The following ITFG1 variants were observed in gnomAD, a reference collection of about 807,000 sequenced individuals.
The protein encoded by ITFG1 is T-cell immunomodulatory protein.
Under a neutral mutation model 81.8 loss-of-function variants are expected in ITFG1, and 34 were observed. That is an observed-to-expected ratio of 0.42 (90% CI 0.32 to 0.55). ITFG1 has a LOEUF of 0.55. Ranked by LOEUF, ITFG1 falls within the 20% of genes least tolerant of loss-of-function variation. ITFG1 has a pLI of 0.17. For missense variants in ITFG1, 672 were observed against 755.4 expected (o/e 0.89, Z 1.29); for synonymous variants, 285 against 270.6 (o/e 1.05, Z -0.52).
rs141783627 is a variant in ITFG1, at chr16:47,370,266, G to A, written c.721-4397C>T. The stretch of plus-strand genomic sequence containing the variant: ...AGCCTGAAACCAAGCAGCCAGTTCC[G>A]GGTAAAGTCCCCGACCAGAGTGAGA... On this transcript the variant is annotated intron_variant, in intron 7 of 17. Transcript: ENST00000320640. Among the ~76,000 whole-genome samples, 100 of 152,268 alleles carry A rather than the reference G, an allele frequency of 6.6e-4. 1 individual carries two copies. Among genetic ancestry groups the A allele is most frequent in the African/African-American group, 2.1e-3 (87 of 41,554 alleles).
chr16:47,326,936 G>A (rs917908768), intron 8 of ITFG1, among the ~76,000 whole-genome samples: 3 of 152,116 alleles, frequency 2.0e-5, no homozygotes, highest in Admixed American at 1.3e-4. Flanking sequence ...TCCCCATCAA[G>A]CTACCAATGA....
chr16:47,293,805 T>C (rs1567448392), intron 10 of ITFG1, among the ~76,000 whole-genome samples: 1 of 152,060 alleles, frequency 6.6e-6, no homozygotes, highest in Non-Finnish European at 1.5e-5. Context: ...TTTTCTCCCA[T>C]TTTGCCAGCT....
chr16:47,246,255 A>ATGAT (rs1157826090), intron 12 of ITFG1, among the ~76,000 whole-genome samples: 2 of 152,186 alleles, frequency 1.3e-5, no homozygotes, highest in Admixed American at 1.3e-4. Flanking sequence ...TTAGGATCAC[A>ATGAT]TGATAAGACT....
chr16:47,167,652 C>A (rs1964910244), intron 14 of ITFG1, among the ~76,000 whole-genome samples: 2 of 152,210 alleles, frequency 1.3e-5, no homozygotes, highest in African/African-American at 4.8e-5. Context: ...TGCTGACTCT[C>A]TTTTCAGACT....
At chr16:47,435,037 G>A (rs754181327) in intron 5 of ITFG1, among the ~76,000 whole-genome samples, 1 of 152,134 alleles carries the variant, frequency 6.6e-6, no homozygotes, top group Non-Finnish European at 1.5e-5. Flanking sequence ...GAGAGGCAGA[G>A]GCTTGGAGGG....
At chr16:47,254,591 T>G (rs1288500658) in intron 12 of ITFG1, among the ~76,000 whole-genome samples, 1 of 152,122 alleles carries the variant, frequency 6.6e-6, no homozygotes, top group African/African-American at 2.4e-5. Context: ...TCAATCACAT[T>G]CTATTTTAAG....
chr16:47,412,695 C>A (rs1407846913), intron 6 of ITFG1, among the ~76,000 whole-genome samples: 144 of 106,034 alleles, frequency 1.4e-3, no homozygotes, highest in African/African-American at 2.5e-3. Context: ...GACTCTGTCT[C>A]AAAAAAAAAA....
intron 14 of ITFG1, among the ~76,000 whole-genome samples, chr16:47,206,655 A>T (rs1965503374): frequency 6.6e-6 from 1 of 152,164 alleles, no homozygotes; most frequent in African/African-American, 2.4e-5. Flanking sequence ...GGCTTCTTTC[A>T]TTTAGCAGGT....
intron 14 of ITFG1, among the ~76,000 whole-genome samples, chr16:47,190,075 C>G (rs1039034330): frequency 2.6e-5 from 4 of 151,906 alleles, no homozygotes; most frequent in African/African-American, 9.7e-5. Flanking sequence ...CCAAAGTGAA[C>G]AATGTTGTAA....
chr16:47,162,497 T>C (rs1389844812), intron 15 of ITFG1, 43 bp downstream of exon 15: 1 of 1,474,886 alleles, frequency 6.8e-7, no homozygotes, highest in African/African-American at 1.4e-5. Flanking sequence ...ATAGTGAATA[T>C]TAAAACATAG....
chr16:47,337,157 A>G (rs1398957874), intron 8 of ITFG1, among the ~76,000 whole-genome samples: 1 of 151,504 alleles, frequency 6.6e-6, no homozygotes. Context: ...AAAAAAAGAA[A>G]AAGAAAAAAA....
rs547704166 is a variant in ITFG1 at position 47,361,678 on chromosome 16, T to C, written c.802+4110A>G. Among the ~76,000 whole-genome samples, 84 of 152,282 alleles carry C rather than the reference T, an allele frequency of 5.5e-4. No individual in the cohort carries two copies. The South Asian group carries it at 0.017, about 30-fold the overall frequency. Reference sequence around the variant, plus strand: ...CCAGTAGCAGCAAGTATTTATTGGGTAATTTCTATGACTAAGGGACTGCTC... The same window carrying C: ...CCAGTAGCAGCAAGTATTTATTGGGCAATTTCTATGACTAAGGGACTGCTC... On this transcript the variant is annotated intron_variant, in intron 8 of 17. Transcript: ENST00000320640.
In ITFG1 at chr16:47,162,644, C is replaced by T. The variant is rs150441201; in HGVS notation, c.1474G>A (p.Ala492Thr). ...TATGGTAGTTGGAGAGCTAAATGTG[C>T]GGATTGGCTGAGTTGGCCAGCTAGA... is the stretch of plus-strand genomic sequence containing the variant. The part of the protein sequence containing the change: ...NGSAGQLSQS[A>T]HLALQLPYNV... The change falls in exon 15 of 18, where the codon GCA (alanine) becomes ACA (threonine). Residue 492 changes from alanine to threonine, a missense_variant. This residue lies in a region of ITFG1 where 560 missense variants were observed against 625.7 expected (regional missense o/e 0.90). Coordinates refer to ENST00000320640, the MANE Select transcript of ITFG1 (RefSeq NM_030790.5). The T allele has an allele frequency of 6.9e-6, 11 of 1,601,466 alleles. No individual in the cohort carries two copies. Among genetic ancestry groups the T allele is most frequent in the African/African-American group, 4.0e-5 (3 of 74,312 alleles).
intron 10 of ITFG1, among the ~76,000 whole-genome samples, chr16:47,269,507 GA>G (rs909630062): frequency 7.4e-4 from 79 of 106,686 alleles, no homozygotes; most frequent in East Asian, 1.9e-3. Flanking sequence ...AAAAAAACTT[GA>G]AAAAAAAAAA....
chr16:47,218,104 T>A (rs1310836094), intron 14 of ITFG1: 1 of 152,196 alleles, frequency 6.6e-6, no homozygotes, highest in Non-Finnish European at 1.5e-5. Flanking sequence ...AGTAAGGCCA[T>A]TACATAACAT....
At chr16:47,452,375 A>T (rs1969400422) in intron 4 of ITFG1, among the ~76,000 whole-genome samples, 1 of 152,194 alleles carries the variant, frequency 6.6e-6, no homozygotes, top group South Asian at 2.1e-4. Context: ...AAGAACAAAA[A>T]TTTCTCCTTA....
Position 47,347,734 on chromosome 16 carries a change from A to C in ITFG1, c.802+18054T>G, listed in dbSNP as rs565346991. 8.5e-5 allele frequency among the ~76,000 whole-genome samples: 13 copies of C among 152,328 alleles called. 1 individual carries two copies. In the East Asian group the frequency reaches 2.3e-3, roughly 27 times the overall value. On this transcript the variant is annotated intron_variant, in intron 8 of 17. Coordinates refer to ENST00000320640, the MANE Select transcript of ITFG1 (RefSeq NM_030790.5). ...CACAGAGTCTGAGATCTGAGAACGG[A>C]CAGACTGCCTCCTCAAGTGGGTCTC...
intron 14 of ITFG1, among the ~76,000 whole-genome samples, chr16:47,167,576 C>G (rs1176472137): frequency 6.6e-6 from 1 of 152,012 alleles, no homozygotes; most frequent in African/African-American, 2.4e-5. Flanking sequence ...GAGAACAAAC[C>G]CCCTTGACTG....
chr16:47,352,960 C>G lies in ITFG1; in HGVS notation c.802+12828G>C, dbSNP rs555187643. ...ATTCTCAGCAAACTATCGCCAAGGA[C>G]AAAAAACCAAACACCACATGTTCTC... On this transcript the variant is annotated intron_variant, in intron 8 of 17. Transcript: ENST00000320640. 4.7e-5 allele frequency among the ~76,000 whole-genome samples: 7 copies of G among 147,598 alleles called. No individual in the cohort carries two copies. In the East Asian group the frequency reaches 1.2e-3, roughly 26 times the overall value.
Sources: allele counts gnomAD v4.1 joint callset (sites outside exome capture counted in the v4.1 genomes callset), GRCh38; gene constraint gnomAD v4.1.1; regional missense constraint gnomAD v4.1.1; transcripts MANE v1.5; gene names NCBI Gene and HGNC (gene_info 2026-07-23, HGNC 2026-07-21).